Variants in NRG1 observed in about 807,000 individuals in gnomAD.
NRG1 encodes neuregulin 1.
Under a neutral mutation model 63.8 loss-of-function variants are expected in NRG1, and 18 were observed. The observed-to-expected ratio is 0.28, with a 90% CI of 0.19 to 0.42. The LOEUF (loss-of-function observed/expected upper bound fraction) is 0.42. Among genes scored for constraint, NRG1 ranks in the 10% least tolerant of loss-of-function variants. The pLI, the probability that NRG1 is intolerant of heterozygous loss-of-function variation, is 1.00. For synonymous variants in NRG1, 302 were observed against 301.3 expected, an observed-to-expected ratio of 1.00 and a Z score of -0.02; for missense variants, 762 against 814.7, an observed-to-expected ratio of 0.94 and a Z score of 0.79.
intron 5 of NRG1, among the ~76,000 whole-genome samples, chr8:32,660,790 G>T (rs982247614): frequency 6.6e-6 from 1 of 152,186 alleles, no homozygotes; most frequent in Non-Finnish European, 1.5e-5. Context: ...TGTTCATAAA[G>T]TGTTTGGAAT....
At chr8:32,019,395 G>A (rs2130176624) in intron 1 of NRG1, among the ~76,000 whole-genome samples, 1 of 152,316 alleles carries the variant, frequency 6.6e-6, no homozygotes, top group South Asian at 2.1e-4. Flanking sequence ...AGCGTGCCTG[G>A]CATGGAGGAA....
At chr8:32,570,797 G>A (rs1271466683) in intron 1 of NRG1, among the ~76,000 whole-genome samples, 2 of 152,034 alleles carry the variant, frequency 1.3e-5, no homozygotes, top group Non-Finnish European at 2.9e-5. Context: ...GATGATTATG[G>A]ATATTTTAGG....
rs368281366 is a variant in NRG1, at chr8:31,694,175, A to T, written c.37+54744A>T. On this transcript the variant is annotated intron_variant, in intron 1 of 10. Transcript: ENST00000519301. ...TCTTTTGAGGTGGTGGGAAGGTGAG[A>T]TGTAGTGACACAGATATTCTGTGTA... Among the ~76,000 whole-genome samples, 7 of 152,252 alleles carry T rather than the reference A, an allele frequency of 4.6e-5. No homozygotes were observed. The South Asian group carries it at 1.0e-3, about 23-fold the overall frequency.
At chr8:32,397,101 T>C (rs1296227506) in intron 1 of NRG1, among the ~76,000 whole-genome samples, 2 of 152,092 alleles carry the variant, frequency 1.3e-5, no homozygotes, top group African/African-American at 4.8e-5. Flanking sequence ...GATAAATAGG[T>C]AGGTAGGCAG....
In NRG1 at chr8:31,865,085, G is replaced by C. The variant is rs535797327; in HGVS notation, c.37+225654G>C. On this transcript the variant is annotated intron_variant, in intron 1 of 10. Coordinates refer to the NRG1 transcript ENST00000519301. ...AACGCTCCTTTCCTGGGGCCAAAGCGTTTTCAGTTTGGGCATCTCAGTAAC... is the reference window on the plus strand; with the variant it reads ...AACGCTCCTTTCCTGGGGCCAAAGCCTTTTCAGTTTGGGCATCTCAGTAAC... Among the ~76,000 whole-genome samples, 15 of 152,254 alleles carry C rather than the reference G, an allele frequency of 9.9e-5. No individual in the cohort carries two copies. In the South Asian group the frequency reaches 3.1e-3, roughly 32 times the overall value.
chr8:31,880,721 A>G (rs1439752022), intron 1 of NRG1, among the ~76,000 whole-genome samples: 1 of 152,202 alleles, frequency 6.6e-6, no homozygotes, highest in East Asian at 1.9e-4. Context: ...AGATCTCTTT[A>G]GTTATTTTTT....
At chr8:32,577,293 A>C (rs142710475) in intron 1 of NRG1, among the ~76,000 whole-genome samples, 4 of 152,304 alleles carry the variant, frequency 2.6e-5, no homozygotes, top group Non-Finnish European at 5.9e-5. Context: ...ACTGAATCAG[A>C]GTCTTTCAAT....
intron 1 of NRG1, among the ~76,000 whole-genome samples, chr8:32,356,474 A>ACCCCCCCCCCCCCCCCCCCCGGGCC (rs11426642): frequency 1.4e-5 from 1 of 69,324 alleles, no homozygotes. Flanking sequence ...CCTTGTTGGG[A>ACCCCCCCCCCCCCCCCCCCCGGGCC]CCCCCCCCCC....
chr8:31,916,085 C>G (rs1293298370), intron 1 of NRG1, among the ~76,000 whole-genome samples: 1 of 151,830 alleles, frequency 6.6e-6, no homozygotes, highest in Non-Finnish European at 1.5e-5. Flanking sequence ...TTTGATATCC[C>G]CCAAAGAAAA....
intron 11 of NRG1, chr8:32,760,782 T>G (rs1465277906): frequency 3.0e-6 from 3 of 1,013,486 alleles, no homozygotes; most frequent in African/African-American, 1.7e-5. Context: ...TAATTCCAAT[T>G]GCCAGTTATC....
upstream of NRG1, among the ~76,000 whole-genome samples, chr8:32,543,805 T>G (rs1832797002): frequency 6.6e-6 from 1 of 152,188 alleles, no homozygotes; most frequent in South Asian, 2.1e-4. Context: ...AAAACTGTCT[T>G]TACAGCAGAC....
At chr8:32,513,174 T>TGTGTGTGTGTGTGTGTGTATGC (rs1209563645) in intron 1 of NRG1, among the ~76,000 whole-genome samples, 5 of 131,720 alleles carry the variant, frequency 3.8e-5, no homozygotes, top group African/African-American at 1.3e-4. Flanking sequence ...GAAGCTGGTG[T>TGTGTGTGTGTGTGTGTGTATGC]GTGTGTGTGT....
At chr8:32,605,753 A>T in intron 3 of NRG1, 70 bp downstream of exon 3, 2 of 1,521,260 alleles carry the variant, frequency 1.3e-6, no homozygotes, top group Non-Finnish European at 1.8e-6. Flanking sequence ...GGTAAGACTC[A>T]TAATAGACTG....
intron 5 of NRG1, among the ~76,000 whole-genome samples, chr8:32,663,331 G>C (rs1026890491): frequency 2.0e-5 from 3 of 152,088 alleles, no homozygotes; most frequent in African/African-American, 4.8e-5. Context: ...GGCTTTGACA[G>C]TATCCAGTAT....
At chr8:31,778,721 C>T (rs745657637) in intron 1 of NRG1, among the ~76,000 whole-genome samples, 1 of 152,190 alleles carries the variant, frequency 6.6e-6, no homozygotes, top group African/African-American at 2.4e-5. Flanking sequence ...TAATCCTCTC[C>T]ATGACCTAAA....
At chr8:31,681,521 A>C (rs759992197) in intron 1 of NRG1, among the ~76,000 whole-genome samples, 115 of 152,014 alleles carry the variant, frequency 7.6e-4, no homozygotes, top group Non-Finnish European at 9.0e-4. Context: ...AGTAATAGCA[A>C]GAGCTGCAGA....
chr8:32,418,811 A>C (rs533487510), intron 1 of NRG1, among the ~76,000 whole-genome samples: 1 of 152,320 alleles, frequency 6.6e-6, no homozygotes, highest in South Asian at 2.1e-4. Flanking sequence ...ATTGCAGTTC[A>C]GTAGACAAGT....
chr8:32,731,306 A>T (rs900010686), intron 6 of NRG1, among the ~76,000 whole-genome samples: 1 of 152,208 alleles, frequency 6.6e-6, no homozygotes, highest in African/African-American at 2.4e-5. Flanking sequence ...TCTTGAAGTG[A>T]AACATTTGTT....
intron 1 of NRG1, among the ~76,000 whole-genome samples, chr8:31,971,554 A>C (rs1371946357): frequency 4.6e-5 from 7 of 152,204 alleles, no homozygotes. Context: ...AAATGCCTAC[A>C]TTTGAAACCA....
Sources: allele counts gnomAD v4.1 joint callset (sites outside exome capture counted in the v4.1 genomes callset), GRCh38; gene constraint gnomAD v4.1.1; transcripts MANE v1.5; gene names NCBI Gene and HGNC (gene_info 2026-07-23, HGNC 2026-07-21).